The following COL18A1 variants were observed in gnomAD, a reference collection of about 807,000 sequenced individuals.
COL18A1 encodes the protein collagen alpha-1(XVIII) chain.
A neutral mutation model predicts 168.0 loss-of-function variants in COL18A1; 133 were observed. The ratio of observed to expected loss-of-function variants is 0.79; its 90% CI spans 0.69 to 0.91. The LOEUF (loss-of-function observed/expected upper bound fraction) is 0.91. Ranked by LOEUF, COL18A1 falls within the 40% of genes least tolerant of loss-of-function variation. The pLI is 0.00. For synonymous variants in COL18A1, 949 were observed against 809.0 expected (o/e 1.17, Z -2.94); for missense variants, 2,126 against 1,925.4 (o/e 1.10, Z -1.95).
At chr21:45,411,436 T>C (rs2033285212) in intron 2 of COL18A1, among the ~76,000 whole-genome samples, 1 of 152,142 alleles carries the variant, frequency 6.6e-6, no homozygotes, top group Non-Finnish European at 1.5e-5. Context: ...CTTTTTCCTG[T>C]GTGCATTTTT....
rs902533814 is a variant in COL18A1, at chr21:45,479,485, C to T, written c.1249-417C>T. 1.8e-4 allele frequency among the ~76,000 whole-genome samples: 28 copies of T among 152,054 alleles called. 1 individual carries two copies. The highest frequency in any genetic ancestry group is 1.9e-4 in the East Asian group (1 of 5,180). On this transcript the variant is annotated intron_variant, in intron 9 of 41. Coordinates refer to ENST00000651438, the MANE Select transcript of COL18A1 (RefSeq NM_001379500.1). ...CACGTGGATACACACATACACATAC[C>T]ACGTGTGCACACATGTGCACACCAT...
At chr21:45,508,183 A>T (rs2037341827) in intron 38 of COL18A1, among the ~76,000 whole-genome samples, 1 of 140,542 alleles carries the variant, frequency 7.1e-6, no homozygotes, top group Non-Finnish European at 1.5e-5. Flanking sequence ...GGGGAGATGG[A>T]TGGATGGTGG....
In COL18A1 at chr21:45,505,902, T is replaced by C. The variant is rs772853461; in HGVS notation, c.3152T>C (p.Leu1051Pro). 1.1e-5 allele frequency: 17 copies of C among 1,612,844 alleles called. No homozygotes were observed. Among genetic ancestry groups the C allele is most frequent in the Non-Finnish European group, 1.4e-5 (17 of 1,179,956 alleles). ...GTGCACGAGGTTCCCGAGGGCTGGC[T>C]CATCTTCGTGGCCGAGCAGGAGGAG... is the stretch of plus-strand genomic sequence containing the variant. ...GQVHEVPEGW[L>P]IFVAEQEELY... Residue 1051 changes from leucine (L) to proline (P), a missense_variant, in exon 37 of 42, where the codon CTC (leucine) becomes CCC (proline). Coordinates refer to ENST00000651438, the MANE Select transcript of COL18A1 (RefSeq NM_001379500.1).
At position 45,478,372 on chromosome 21, in the gene COL18A1, C is replaced by T. The variant is rs377718769; in HGVS notation, c.1248+19C>T. 62 of 1,614,064 alleles carry T rather than the reference C, an allele frequency of 3.8e-5. No individual in the cohort carries two copies. Among genetic ancestry groups the T allele is most frequent in the Admixed American group, 2.2e-4 (13 of 60,012 alleles). ...AAAGCCGGTGAGTCTGCTTTTCTTT[C>T]TGACCCCTGTGTTATCTGTGATGTT... On this transcript the variant is annotated intron_variant, in intron 9 of 41. Transcript: ENST00000651438.
intron 2 of COL18A1, among the ~76,000 whole-genome samples, chr21:45,409,040 G>GCGGC (rs2033208133): frequency 6.8e-6 from 1 of 147,360 alleles, no homozygotes; most frequent in East Asian, 2.1e-4. Context: ...AAAGCTGGCT[G>GCGGC]TGGCTGTGTC....
Position 45,456,763 on chromosome 21 carries a change from C to G in COL18A1, c.107-11479C>G, listed in dbSNP as rs764709181. The G allele has an allele frequency of 1.9e-6, 3 of 1,540,960 alleles. No individual in the cohort carries two copies. The East Asian group carries it at 7.4e-5, about 38-fold the overall frequency. On this transcript the variant is annotated intron_variant, in intron 2 of 41. Coordinates refer to ENST00000651438, the MANE Select transcript of COL18A1 (RefSeq NM_001379500.1). ...CCGCCCCGCCACCCTGCTGCCAGTTCTGCGAGGCCCTGCAGGATGCGTGTT... is the reference window on the plus strand; with the variant it reads ...CCGCCCCGCCACCCTGCTGCCAGTTGTGCGAGGCCCTGCAGGATGCGTGTT...
chr21:45,510,071 T>G lies in COL18A1; in HGVS notation c.3503T>G (p.Leu1168Arg). 1 of 1,570,844 alleles carries G rather than the reference T, an allele frequency of 6.4e-7. No individual in the cohort carries two copies. The highest frequency in any genetic ancestry group is 8.6e-7 in the Non-Finnish European group (1 of 1,162,994). The part of the protein sequence containing the change: ...SHRDFQPVLH[L>R]VALNSPLSGG... ...GCGCCCCTCTCCCCGCAGCTCCACC[T>G]GGTTGCGCTCAACAGCCCCCTGTCA... Residue 1168 changes from leucine to arginine, a missense_variant, in exon 40 of 42, where the codon CTG becomes CGG. Transcript: ENST00000651438.
chr21:45,452,020 C>A (rs544391979), intron 2 of COL18A1, among the ~76,000 whole-genome samples: 81 of 152,368 alleles, frequency 5.3e-4, no homozygotes, highest in African/African-American at 1.9e-3. Context: ...CCAGGAGGCA[C>A]CGAGGAGCCG....
chr21:45,501,010 TGGA>T (rs1313943793), intron 32 of COL18A1, among the ~76,000 whole-genome samples: 6,934 of 33,658 alleles, frequency 0.21, 2,207 homozygotes, highest in African/African-American at 0.37. Context: ...GTGTTGGGTG[TGGA>T]GTGTGGGGGT....
chr21:45,497,611 C>T lies in COL18A1; in HGVS notation c.2633C>T (p.Pro878Leu), dbSNP rs763362005. The change falls in exon 32 of 42, where the codon CCT (proline) becomes CTT (leucine). Residue 878 changes from proline to leucine, a missense_variant. Coordinates refer to ENST00000651438, the MANE Select transcript of COL18A1 (RefSeq NM_001379500.1). Reference protein sequence around the residue: ...GPPGLPGNQGPPGPKGAKGEV... With the variant: ...GPPGLPGNQGLPGPKGAKGEV... ...TCTCTTCCTCCAGGGAATCAGGGCC[C>T]TCCAGGACCCAAGGGCGCCAAAGGA... 4 of 1,564,678 alleles carry T rather than the reference C, an allele frequency of 2.6e-6. No individual in the cohort carries two copies. Among genetic ancestry groups the T allele is most frequent in the Non-Finnish European group, 3.5e-6 (4 of 1,155,070 alleles).
At chr21:45,510,364 C>G (rs991774953) in intron 40 of COL18A1, 103 bp downstream of exon 40, 2 of 1,298,334 alleles carry the variant, frequency 1.5e-6, no homozygotes, top group Non-Finnish European at 2.2e-6. Context: ...TGGAGGCCAC[C>G]ATGTTACAGA....
In COL18A1 at chr21:45,405,486, CG is replaced by C; in HGVS notation, c.106+16del. ...TCCGCGGAGCCAGGTAAGACCCGGG[CG>C]GGACGGGAAGGTTCGCGCCGGTGCC... is the stretch of plus-strand genomic sequence containing the variant. On this transcript the variant is annotated intron_variant, in intron 2 of 41. Transcript: ENST00000651438. The C allele has an allele frequency of 7.4e-7, 1 of 1,353,274 alleles. No individual in the cohort carries two copies. The highest frequency in any genetic ancestry group is 9.6e-7 in the Non-Finnish European group (1 of 1,043,508). 83.8% of individuals were successfully genotyped at this position (1,353,274 alleles called of 1,614,324 possible).
At chr21:45,459,052 T>C (rs1290154483) in intron 2 of COL18A1, among the ~76,000 whole-genome samples, 1 of 152,192 alleles carries the variant, frequency 6.6e-6, no homozygotes, top group Non-Finnish European at 1.5e-5. Context: ...AGGGAGGCCG[T>C]GTCCCGTGCA....
chr21:45,437,040 G>C (rs2034122577), intron 2 of COL18A1, among the ~76,000 whole-genome samples: 1 of 152,018 alleles, frequency 6.6e-6, no homozygotes, highest in Non-Finnish European at 1.5e-5. Context: ...GGGTTCTATT[G>C]CCAAGGTTCT....
At chr21:45,490,499 TCTCTGGGCCTCCGTGTGCCCACTCCC>T (rs1568921590) in intron 20 of COL18A1, among the ~76,000 whole-genome samples, 153 bp downstream of exon 20, 8 of 146,678 alleles carry the variant, frequency 5.5e-5, no homozygotes, top group African/African-American at 1.3e-4. Context: ...CCCTCCCGGG[TCTCTGGGCCTCCGTGTGCCCACTCCC>T]GGGTCTCTGG....
chr21:45,482,968 C>A, intron 15 of COL18A1, 147 bp downstream of exon 15: 1 of 1,230,000 alleles, frequency 8.1e-7, no homozygotes, highest in South Asian at 1.3e-5. Context: ...TCTGTCCATC[C>A]GTCCTGCCGG....
At position 45,443,471 on chromosome 21, in the gene COL18A1, G is replaced by A. The variant is rs192904781; in HGVS notation, c.107-24771G>A. The stretch of plus-strand genomic sequence containing the variant: ...CAGCTCGGCATCGCAGCAGAGTCCC[G>A]GTGGTGGAGATGCTTTGCCACTGGC... On this transcript the variant is annotated intron_variant, in intron 2 of 41. Coordinates refer to ENST00000651438, the MANE Select transcript of COL18A1 (RefSeq NM_001379500.1). This position sits in a 1 kb window ranked among gnomAD's most constrained non-coding sequence, Gnocchi z 5.2. Among the ~76,000 whole-genome samples, 252 of 152,278 alleles carry A rather than the reference G, an allele frequency of 1.7e-3. No individual in the cohort carries two copies. The highest frequency in any genetic ancestry group is 5.7e-3 in the African/African-American group (237 of 41,556).
At chr21:45,411,060 G>A (rs1379621582) in intron 2 of COL18A1, among the ~76,000 whole-genome samples, 2 of 152,212 alleles carry the variant, frequency 1.3e-5, no homozygotes, top group Admixed American at 6.5e-5. Flanking sequence ...TCAGGTGGAC[G>A]CTGCAGCTGG....
intron 2 of COL18A1, among the ~76,000 whole-genome samples, chr21:45,412,052 G>A (rs562205065): frequency 8.5e-5 from 13 of 152,236 alleles, no homozygotes; most frequent in African/African-American, 2.9e-4. Context: ...CTAAGGGGCC[G>A]TCGTGCTTCT....
Sources: gnomAD v4.1 joint callset for allele counts (sites outside exome capture counted in the v4.1 genomes callset) on GRCh38, gnomAD v4.1.1 for gene constraint, Gnocchi (gnomAD v3.1) non-coding constraint, MANE v1.5 for transcripts, NCBI Gene and HGNC (gene_info 2026-07-23, HGNC 2026-07-21) for gene names.